GAS7: variants seen among roughly 807,000 people sequenced by gnomAD.
The protein encoded by GAS7 is growth arrest-specific protein 7.
GAS7 carries 28 observed loss-of-function variants against 71.1 expected under a neutral mutation model. That is an observed-to-expected ratio of 0.39 (90% CI 0.29 to 0.54). GAS7 has a LOEUF of 0.54. Ranked by LOEUF, GAS7 falls within the 20% of genes least tolerant of loss-of-function variation. The pLI, the probability that GAS7 is intolerant of heterozygous loss-of-function variation, is 0.62. For missense variants in GAS7, 436 were observed against 627.8 expected, an observed-to-expected ratio of 0.69 and a Z score of 3.27; for synonymous variants, 258 against 245.8, an observed-to-expected ratio of 1.05 and a Z score of -0.46.
chr17:9,939,859 C>T (rs906210419), intron 8 of GAS7, among the ~76,000 whole-genome samples: 3 of 152,272 alleles, frequency 2.0e-5, no homozygotes, highest in African/African-American at 4.8e-5. Flanking sequence ...CCACCCGCCT[C>T]GGCCTCCCAA....
chr17:9,921,630 A>G (rs1168975201), intron 11 of GAS7, among the ~76,000 whole-genome samples: 7 of 152,210 alleles, frequency 4.6e-5, no homozygotes, highest in Admixed American at 4.6e-4. Flanking sequence ...AACTTTTTAG[A>G]ACAGTATTGG....
intron 7 of GAS7, among the ~76,000 whole-genome samples, chr17:9,941,685 C>G (rs1002465274): frequency 1.3e-5 from 2 of 152,236 alleles, no homozygotes; most frequent in Non-Finnish European, 2.9e-5. Flanking sequence ...AAACCATAAG[C>G]GTGTTCAAGC....
At chr17:10,003,682 C>G (rs1284694152) in intron 2 of GAS7, among the ~76,000 whole-genome samples, 1 of 152,194 alleles carries the variant, frequency 6.6e-6, no homozygotes. Context: ...CAGAAATATC[C>G]AGGGTGCCTG....
In GAS7 at chr17:9,954,906, A is replaced by G. The variant is rs544874221; in HGVS notation, c.525+4296T>C. Among the ~76,000 whole-genome samples, 3 of 152,312 alleles carry G rather than the reference A, an allele frequency of 2.0e-5. No homozygotes were observed. The South Asian group carries it at 6.2e-4, about 32-fold the overall frequency. ...CCTTCGGAGAGAGGGAGGCAGTGGC[A>G]GCAGAGGGGCATGGTGAGAGGTGTG... On this transcript the variant is annotated intron_variant, in intron 5 of 13. Transcript: ENST00000432992.
intron 1 of GAS7, among the ~76,000 whole-genome samples, chr17:10,174,124 T>C (rs1296663733): frequency 6.6e-6 from 1 of 152,182 alleles, no homozygotes; most frequent in Non-Finnish European, 1.5e-5. Flanking sequence ...ATGGAATCCC[T>C]GGCCTCATTA....
intron 1 of GAS7, among the ~76,000 whole-genome samples, chr17:10,162,464 C>T (rs2904901): frequency 0.073 from 11,096 of 152,214 alleles, 489 homozygotes; most frequent in Admixed American, 0.11. Context: ...TTGACAAGCA[C>T]TCTGGGGGAG....
At chr17:10,154,112 C>T (rs1216938332) in intron 1 of GAS7, among the ~76,000 whole-genome samples, 1 of 152,142 alleles carries the variant, frequency 6.6e-6, no homozygotes. Context: ...TAAAAATATG[C>T]TGAGACTCTT....
intron 1 of GAS7, among the ~76,000 whole-genome samples, chr17:10,125,695 G>A (rs2073940464): frequency 6.6e-6 from 1 of 151,910 alleles, no homozygotes; most frequent in Non-Finnish European, 1.5e-5. Context: ...ATGAGGCCCG[G>A]GTGTGAGGGG....
intron 1 of GAS7, among the ~76,000 whole-genome samples, chr17:10,051,980 GT>G (rs2073068351): frequency 6.6e-6 from 1 of 152,036 alleles, no homozygotes; most frequent in Non-Finnish European, 1.5e-5. Flanking sequence ...TTGATATACA[GT>G]AGTTTATTTG....
intron 1 of GAS7, among the ~76,000 whole-genome samples, chr17:10,182,017 T>C (rs2142143980): frequency 6.6e-6 from 1 of 152,282 alleles, no homozygotes; most frequent in Non-Finnish European, 1.5e-5. Flanking sequence ...GAAGGAACCC[T>C]CAGTTCCCAG....
chr17:10,114,589 A>G (rs2073842621), intron 1 of GAS7: 1 of 151,980 alleles, frequency 6.6e-6, no homozygotes, highest in African/African-American at 2.4e-5. Flanking sequence ...GATAATCACT[A>G]TGGACACCAC....
intron 1 of GAS7, chr17:10,020,147 T>G (rs2072207693): frequency 5.0e-6 from 2 of 402,890 alleles, no homozygotes; most frequent in Non-Finnish European, 9.1e-6. Context: ...GAGAGGAAAA[T>G]GCCATTCAGC....
At chr17:10,149,707 C>T (rs544265473) in intron 1 of GAS7, among the ~76,000 whole-genome samples, 4 of 152,238 alleles carry the variant, frequency 2.6e-5, no homozygotes, top group African/African-American at 9.6e-5. Context: ...CATGTCCATC[C>T]ACTGATGGAC....
chr17:10,007,798 T>C (rs2152182919), intron 2 of GAS7, among the ~76,000 whole-genome samples: 1 of 152,248 alleles, frequency 6.6e-6, no homozygotes, highest in East Asian at 1.9e-4. Context: ...TTTGGTGTAG[T>C]TGCAGAGTTG....
At chr17:9,949,777 C>T (rs1011263426) in intron 5 of GAS7, among the ~76,000 whole-genome samples, 4 of 150,618 alleles carry the variant, frequency 2.7e-5, no homozygotes, top group Non-Finnish European at 3.0e-5. Context: ...TCCTCCCCTC[C>T]TCCCTTCCTC....
At chr17:9,988,894 A>G in intron 2 of GAS7, among the ~76,000 whole-genome samples, 1 of 145,892 alleles carries the variant, frequency 6.9e-6, no homozygotes, top group African/African-American at 2.6e-5. Context: ...TGTTGCCCAG[A>G]CCGGAGTACA....
chr17:10,093,981 G>A (rs1313974013), intron 1 of GAS7, among the ~76,000 whole-genome samples: 1 of 152,120 alleles, frequency 6.6e-6, no homozygotes, highest in Non-Finnish European at 1.5e-5. Flanking sequence ...AAAGATGTGG[G>A]AACTTCCTTA....
chr17:10,196,372 G>A (rs1050138644), intron 1 of GAS7, among the ~76,000 whole-genome samples: 1 of 152,148 alleles, frequency 6.6e-6, no homozygotes, highest in Non-Finnish European at 1.5e-5. Flanking sequence ...TGGTGATAAC[G>A]TGCACACACT....
rs11078823 is a variant in GAS7 at position 9,931,577 on chromosome 17, A to C, written c.885+2589T>G. Among the ~76,000 whole-genome samples, 16 of 152,206 alleles carry C rather than the reference A, an allele frequency of 1.1e-4. 1 individual carries two copies. In the South Asian group the frequency reaches 1.5e-3, roughly 14 times the overall value. On this transcript the variant is annotated intron_variant, in intron 9 of 13. Coordinates refer to ENST00000432992, the MANE Select transcript of GAS7 (RefSeq NM_201433.2). ...CCCCGACAGGGGAAGGGAGGCCTTG[A>C]GGGGAAAGCTACTCATGATCTGCAG... is the stretch of plus-strand genomic sequence containing the variant.
Sources: gnomAD v4.1 joint callset for allele counts (sites outside exome capture counted in the v4.1 genomes callset) on GRCh38, gnomAD v4.1.1 for gene constraint, MANE v1.5 for transcripts, NCBI Gene and HGNC (gene_info 2026-07-23, HGNC 2026-07-21) for gene names.